The following DSG4 variants were observed in gnomAD, a reference collection of about 807,000 sequenced individuals.
DSG4 encodes desmoglein 4, also known as desmoglein-4.
In DSG4, 87 loss-of-function variants were observed where a neutral mutation model predicts 93.1. That is an observed-to-expected ratio of 0.93 (90% CI 0.79 to 1.12). DSG4 has a LOEUF of 1.12. Among genes scored for constraint, DSG4 ranks in the 50% most tolerant of loss-of-function variants. The pLI is 0.00. For missense variants in DSG4, 1,373 were observed against 1,285.7 expected, an observed-to-expected ratio of 1.07 and a Z score of -1.04; for synonymous variants, 432 against 452.9, an observed-to-expected ratio of 0.95 and a Z score of 0.59.
At position 31,399,294 on chromosome 18, in the gene DSG4, C is replaced by T. The variant is rs148911860; in HGVS notation, c.1028C>T (p.Pro343Leu). 5.3e-5 allele frequency: 86 copies of T among 1,613,878 alleles called. No homozygotes were observed. Among genetic ancestry groups the T allele is most frequent in the Non-Finnish European group, 7.2e-5 (85 of 1,179,938 alleles). The change falls in exon 9 of 16, where the codon CCT (proline) becomes CTT (leucine). Residue 343 changes from proline (P) to leucine (L), a missense_variant. Transcript: ENST00000308128. ...VVKMLDYEQA[P>L]NIQLSIGVKN... ...CAGATGCTGGATTATGAACAAGCAC[C>T]TAACATTCAGCTTAGTATCGGAGTT...
At chr18:31,390,943 A>C (rs551516939) in intron 6 of DSG4, 121 bp downstream of exon 6, 2 of 1,501,730 alleles carry the variant, frequency 1.3e-6, no homozygotes, top group African/African-American at 1.4e-5. Context: ...TCCATTTTTA[A>C]TAAAAATTAA....
chr18:31,405,515 A>C (rs898626400), intron 11 of DSG4, among the ~76,000 whole-genome samples: 1 of 152,122 alleles, frequency 6.6e-6, no homozygotes, highest in African/African-American at 2.4e-5. Context: ...CCTGCATTAT[A>C]GAAGTAGCAA....
rs1271056846 is a variant in DSG4, at chr18:31,414,520, T to G, written c.*925T>G. 6.6e-6 allele frequency: 1 copy of G among 152,198 alleles called. No individual in the cohort carries two copies. The highest frequency in any genetic ancestry group is 2.4e-5 in the African/African-American group (1 of 41,450). The allele number at this position is 152,198 out of a possible 1,614,324, so 9.4% of individuals were successfully genotyped here. On this transcript the variant is annotated 3_prime_UTR_variant, in exon 16 of 16. Transcript: ENST00000308128. ...TCTACAATATTTACTTAGAAGCAAC[T>G]AGGTGTTGGGTGCTAGTCTTGGCTC...
At chr18:31,405,249 GT>G (rs1200360990) in intron 11 of DSG4, among the ~76,000 whole-genome samples, 1 of 152,134 alleles carries the variant, frequency 6.6e-6, no homozygotes, top group East Asian at 1.9e-4. Flanking sequence ...TAGACAATAT[GT>G]TTTATGAAAA....
At chr18:31,393,460 C>T (rs1203761568) in intron 8 of DSG4, among the ~76,000 whole-genome samples, 1 of 152,098 alleles carries the variant, frequency 6.6e-6, no homozygotes, top group African/African-American at 2.4e-5. Context: ...TTGTGGAAGG[C>T]AAAGGGGGAG....
intron 2 of DSG4, among the ~76,000 whole-genome samples, chr18:31,386,180 G>T (rs1325099045): frequency 2.0e-5 from 3 of 152,064 alleles, no homozygotes; most frequent in South Asian, 4.1e-4. Flanking sequence ...ATATACTTGG[G>T]TGCTTAGCCA....
In DSG4 at chr18:31,413,309, T is replaced by G. The variant is rs1432358138; in HGVS notation, c.2837T>G (p.Ile946Ser). 1.9e-6 allele frequency: 3 copies of G among 1,614,186 alleles called. No homozygotes were observed. Among genetic ancestry groups the G allele is most frequent in the Non-Finnish European group, 2.5e-6 (3 of 1,180,040 alleles). ...TEAVMAPVYD[I>S]QGNICVPAEL... ...GCAGTAATGGCACCTGTCTATGATA[T>G]TCAAGGGAATATTTGTGTACCTGCT... The change falls in exon 16 of 16, where the codon ATT (isoleucine) becomes AGT (serine). Residue 946 changes from isoleucine to serine, a missense_variant. Physicochemically the swap from Ile to Ser is moderately radical, Grantham distance 142. Coordinates refer to ENST00000308128, the MANE Select transcript of DSG4 (RefSeq NM_177986.5).
intron 8 of DSG4, among the ~76,000 whole-genome samples, chr18:31,394,782 T>C (rs565644132): frequency 3.3e-5 from 5 of 152,148 alleles, no homozygotes; most frequent in Non-Finnish European, 7.3e-5. Context: ...AAATTCTGAA[T>C]ATTTAGTCAA....
At chr18:31,411,487 T>C (rs2072492263) in intron 15 of DSG4, 39 bp downstream of exon 15, 2 of 1,602,276 alleles carry the variant, frequency 1.2e-6, no homozygotes, top group African/African-American at 1.3e-5. Flanking sequence ...CGTCTTGAGA[T>C]TGAATAATAA....
At chr18:31,386,556 G>A (rs958357880) in intron 2 of DSG4, 132 bp from the exon 3 acceptor site, 47 of 1,384,536 alleles carry the variant, frequency 3.4e-5, no homozygotes, top group Non-Finnish European at 4.3e-5. Flanking sequence ...TTGTGAATTG[G>A]TGAAAACATT....
chr18:31,388,655 T>C (rs2144173727), intron 4 of DSG4, 133 bp downstream of exon 4: 1 of 1,341,332 alleles, frequency 7.5e-7, no homozygotes, highest in Non-Finnish European at 1.0e-6. Context: ...CTTGAAGGAA[T>C]GGAAAGAGTG....
rs747237901 is a variant in DSG4, at chr18:31,386,768, C to G, written c.165C>G (p.Ala55=). 1.2e-6 allele frequency: 2 copies of G among 1,613,356 alleles called. No individual in the cohort carries two copies. The highest frequency in any genetic ancestry group is 1.7e-6 in the Non-Finnish European group (2 of 1,179,502). ...RRQKREWIKF[A]AACREGEDNS... The stretch of plus-strand genomic sequence containing the variant: ...AAAAGCGGGAGTGGATCAAGTTTGC[C>G]GCAGCCTGTCGAGAAGGAGAGGACA... Residue 55 remains alanine, a synonymous_variant, in exon 3 of 16, where the codon GCC becomes GCG. Transcript: ENST00000308128.
intron 10 of DSG4, among the ~76,000 whole-genome samples, chr18:31,402,581 C>G (rs1047044533): frequency 9.2e-5 from 14 of 152,096 alleles, no homozygotes; most frequent in Admixed American, 6.6e-5. Flanking sequence ...TACTTAGGCA[C>G]ACAGAAAACA....
At chr18:31,398,581 T>C (rs940476270) in intron 8 of DSG4, among the ~76,000 whole-genome samples, 3 of 152,250 alleles carry the variant, frequency 2.0e-5, no homozygotes, top group Non-Finnish European at 4.4e-5. Flanking sequence ...TCTTTGCAAC[T>C]ACTTTTTCAT....
chr18:31,376,891 G>C lies in DSG4; in HGVS notation c.-21G>C, dbSNP rs756592700. ...TCAAATTGAATCTCACAGGATTTGC[G>C]TGCAAGAGAAACCCAAAGGAATGGA... On this transcript the variant is annotated 5_prime_UTR_variant, in exon 1 of 16. Transcript: ENST00000308128. 1 of 1,613,430 alleles carries C rather than the reference G, an allele frequency of 6.2e-7. No individual in the cohort carries two copies.
chr18:31,376,967 G>GA lies in DSG4; in HGVS notation c.48+10dup, dbSNP rs747870874. The GA allele has an allele frequency of 4.5e-5, 72 of 1,612,926 alleles. No homozygotes were observed. The highest frequency in any genetic ancestry group is 5.9e-5 in the Non-Finnish European group (70 of 1,179,362). On this transcript the variant is annotated intron_variant, in intron 1 of 15. Coordinates refer to ENST00000308128, the MANE Select transcript of DSG4 (RefSeq NM_177986.5). The stretch of plus-strand genomic sequence containing the variant: ...CTTTTGATCATTCTAATGGTAAGTA[G>GA]AATTTAAAGAGGTGGGAAGGAAATG...
intron 12 of DSG4, among the ~76,000 whole-genome samples, chr18:31,406,847 G>T (rs756767086): frequency 6.6e-6 from 1 of 151,296 alleles, no homozygotes; most frequent in East Asian, 1.9e-4. Flanking sequence ...GCGCAACCTC[G>T]GCTCACTGCA....
At position 31,400,755 on chromosome 18, in the gene DSG4, C is replaced by G; in HGVS notation, c.1278-126C>G. 4 of 921,174 alleles carry G rather than the reference C, an allele frequency of 4.3e-6. No homozygotes were observed. In the South Asian group the frequency reaches 6.7e-5, roughly 15 times the overall value. The allele number at this position is 921,174 out of a possible 1,614,324, so 57.1% of individuals were successfully genotyped here. A position where few individuals can be genotyped will look rare whatever the true frequency, so the allele number is the denominator to read the frequency against. On this transcript the variant is annotated intron_variant, in intron 9 of 15. Transcript: ENST00000308128. ...TGATATATATGTACTTTTTATAAAC[C>G]AAGGCAATCATCACTATAAAACATA...
chr18:31,385,312 T>C (rs2072175723), intron 2 of DSG4, 141 bp downstream of exon 2: 2 of 629,574 alleles, frequency 3.2e-6, no homozygotes, highest in Non-Finnish European at 5.3e-6. Flanking sequence ...TGAACTGAAA[T>C]AGCGATGGTA....
Sources: gnomAD v4.1 joint callset for allele counts (sites outside exome capture counted in the v4.1 genomes callset) on GRCh38, gnomAD v4.1.1 for gene constraint, MANE v1.5 for transcripts, NCBI Gene and HGNC (gene_info 2026-07-23, HGNC 2026-07-21) for gene names.